The following PHKA2 variants were observed in gnomAD, a reference collection of about 807,000 sequenced individuals.
The protein encoded by PHKA2 is phosphorylase b kinase regulatory subunit alpha, liver isoform.
A neutral mutation model predicts 102.0 loss-of-function variants in PHKA2; 31 were observed. That is an observed-to-expected ratio of 0.30 (90% CI 0.23 to 0.41). The LOEUF is 0.41. Ranked by LOEUF, PHKA2 falls within the 10% of genes least tolerant of loss-of-function variation. The pLI, the probability that PHKA2 is intolerant of heterozygous loss-of-function variation, is 1.00. For missense variants in PHKA2, 858 were observed against 1,023.1 expected, an observed-to-expected ratio of 0.84 and a Z score of 2.20; for synonymous variants, 455 against 416.2, an observed-to-expected ratio of 1.09 and a Z score of -1.13.
intron 1 of PHKA2, among the ~76,000 whole-genome samples, chrX:18,974,355 T>C (rs2049056337): frequency 9.0e-6 from 1 of 111,588 alleles, no homozygotes; most frequent in South Asian, 3.8e-4. Flanking sequence ...TGTCTTATAC[T>C]CCACATAAAC....
At chrX:18,935,071 C>A (rs184387677) in intron 11 of PHKA2, among the ~76,000 whole-genome samples, 1 of 112,391 alleles carries the variant, frequency 8.9e-6, no homozygotes, top group African/African-American at 3.2e-5. Context: ...CAGGCCCTGG[C>A]GATTTTGGGG....
Position 18,893,327 on chromosome X carries a change from A to G in PHKA2, c.*158T>C, listed in dbSNP as rs2047460983. 1.8e-5 allele frequency: 10 copies of G among 547,841 alleles called. No individual in the cohort carries two copies. Among genetic ancestry groups the G allele is most frequent in the South Asian group, 1.5e-4 (6 of 40,283 alleles). The allele number at this position is 547,841 out of a possible 1,213,427, so 45.1% of individuals were successfully genotyped here. ...CTCTATCTCTGTGGCTTTAACATAC[A>G]TCAGTTTCAGGGTGAGTGCTACCAT... On this transcript the variant is annotated 3_prime_UTR_variant, in exon 33 of 33. Coordinates refer to ENST00000379942, the MANE Select transcript of PHKA2 (RefSeq NM_000292.3).
intron 12 of PHKA2, among the ~76,000 whole-genome samples, chrX:18,930,961 G>A (rs757839486): frequency 9.0e-6 from 1 of 111,267 alleles, no homozygotes; most frequent in African/African-American, 3.3e-5. Context: ...GGGTCCAGCC[G>A]AAGCACTCAG....
At chrX:18,938,507 A>G (rs1267260819) in intron 10 of PHKA2, 120 bp downstream of exon 10, 20 of 715,020 alleles carry the variant, frequency 2.8e-5, no homozygotes, top group Non-Finnish European at 4.2e-5. Flanking sequence ...AAAGTTTGCT[A>G]AGTGGGAACA....
rs184729782 is a variant in PHKA2, at chrX:18,898,634, A to G, written c.3111+539T>C. Among the ~76,000 whole-genome samples the G allele has an allele frequency of 2.0e-3, 222 of 112,619 alleles. 2 individuals carry two copies. The highest frequency in any genetic ancestry group is 6.8e-3 in the African/African-American group (211 of 31,050). On this transcript the variant is annotated intron_variant, in intron 29 of 32. Coordinates refer to ENST00000379942, the MANE Select transcript of PHKA2 (RefSeq NM_000292.3). ...AAAGGCAGTTCGGCTGGGTTATTCCATTGGGCTCATTACTGCCACTTAAGG... is the reference window on the plus strand; with the variant it reads ...AAAGGCAGTTCGGCTGGGTTATTCCGTTGGGCTCATTACTGCCACTTAAGG...
intron 18 of PHKA2, among the ~76,000 whole-genome samples, chrX:18,919,728 CA>C (rs56042937): frequency 0.025 from 689 of 27,551 alleles, 7 homozygotes; most frequent in Middle Eastern, 0.07. Context: ...CAAACAACAA[CA>C]AAAAAAAAAA....
intron 17 of PHKA2, among the ~76,000 whole-genome samples, chrX:18,923,844 G>A (rs1405122817): frequency 8.9e-6 from 1 of 111,902 alleles, no homozygotes; most frequent in East Asian, 2.8e-4. Flanking sequence ...CCTGGTGCCT[G>A]TAAAGCTTAA....
chrX:18,939,194 G>A (rs144142744), intron 9 of PHKA2, among the ~76,000 whole-genome samples: 2 of 110,716 alleles, frequency 1.8e-5, no homozygotes, highest in East Asian at 5.7e-4. Flanking sequence ...TTATTTTTTT[G>A]AGACAGGGTC....
At chrX:18,895,456 C>G (rs1445202141) in intron 30 of PHKA2, 9 of 385,521 alleles carry the variant, frequency 2.3e-5, no homozygotes, top group Admixed American at 8.2e-5. Flanking sequence ...CCGAGTCCTC[C>G]CGGGAGGCTC....
At chrX:18,961,030 C>G (rs908884867) in intron 1 of PHKA2, among the ~76,000 whole-genome samples, 1 of 112,055 alleles carries the variant, frequency 8.9e-6, no homozygotes, top group African/African-American at 3.2e-5. Flanking sequence ...CTCAATTCCA[C>G]AGCTGTAGAC....
chrX:18,935,049 T>C (rs1384896904), intron 11 of PHKA2, among the ~76,000 whole-genome samples: 1 of 112,413 alleles, frequency 8.9e-6, no homozygotes, highest in Non-Finnish European at 1.9e-5. Context: ...TCTGCTGGCT[T>C]ACAACCTCCT....
chrX:18,929,508 C>T, intron 12 of PHKA2, among the ~76,000 whole-genome samples: 1 of 112,275 alleles, frequency 8.9e-6, no homozygotes, highest in Middle Eastern at 4.6e-3. Flanking sequence ...ATTTTTGCAC[C>T]TAGCTCTCTA....
intron 14 of PHKA2, among the ~76,000 whole-genome samples, chrX:18,926,030 A>G (rs1008289151): frequency 8.9e-6 from 1 of 112,412 alleles, no homozygotes; most frequent in Non-Finnish European, 1.9e-5. Context: ...AAAGGACTAT[A>G]GAACATTTAC....
intron 26 of PHKA2, among the ~76,000 whole-genome samples, chrX:18,904,171 G>A: frequency 9.0e-6 from 1 of 111,689 alleles, no homozygotes; most frequent in African/African-American, 3.3e-5. Flanking sequence ...GAGCCCATAA[G>A]GGAGACTCAG....
chrX:18,905,915 T>C, intron 25 of PHKA2, 56 bp from the exon 26 acceptor site: 1 of 877,191 alleles, frequency 1.1e-6, no homozygotes, highest in Non-Finnish European at 1.7e-6. Context: ...CGGGTAAAGG[T>C]AGGGTCAGGT....
At chrX:18,907,404 A>G (rs910851306) in intron 22 of PHKA2, among the ~76,000 whole-genome samples, 1 of 112,381 alleles carries the variant, frequency 8.9e-6, no homozygotes, top group African/African-American at 3.2e-5. Context: ...CTATTGAGTG[A>G]GACAGGGATG....
chrX:18,899,685 C>T (rs895933503), intron 28 of PHKA2, among the ~76,000 whole-genome samples: 1 of 110,484 alleles, frequency 9.1e-6, no homozygotes, highest in Non-Finnish European at 1.9e-5. Flanking sequence ...ATATGATGAT[C>T]GGGCTGATAC....
rs896775001 is a variant in PHKA2 at position 18,956,925 on chromosome X, G to A, written c.79-2513C>T. Among the ~76,000 whole-genome samples, 9 of 111,423 alleles carry A rather than the reference G, an allele frequency of 8.1e-5. 1 individual carries two copies. The highest frequency in any genetic ancestry group is 5.7e-5 in the Non-Finnish European group (3 of 53,009). On this transcript the variant is annotated intron_variant, in intron 1 of 32. Coordinates refer to ENST00000379942, the MANE Select transcript of PHKA2 (RefSeq NM_000292.3). ...TTTTTTTCTTTCTTTTTTTTGAGAC[G>A]GAGTCTCACTCTTCTCACCCAGGCT...
chrX:18,939,819 C>T (rs1024907877), intron 9 of PHKA2, among the ~76,000 whole-genome samples, 176 bp downstream of exon 9: 1 of 112,101 alleles, frequency 8.9e-6, no homozygotes, highest in East Asian at 2.8e-4. Context: ...ACCAGCTCAC[C>T]GTCCCTACTA....
Sources: gnomAD v4.1 joint callset for allele counts (sites outside exome capture counted in the v4.1 genomes callset) on GRCh38, gnomAD v4.1.1 for gene constraint, MANE v1.5 for transcripts, NCBI Gene and HGNC (gene_info 2026-07-23, HGNC 2026-07-21) for gene names.